Variants in CLASP2 observed in about 807,000 individuals in gnomAD.
The protein encoded by CLASP2 is cytoplasmic linker associated protein 2, also known as CLIP-associating protein 2.
Under a neutral mutation model 194.4 loss-of-function variants are expected in CLASP2, and 47 were observed. The ratio of observed to expected loss-of-function variants is 0.24; its 90% CI spans 0.19 to 0.31. The LOEUF (loss-of-function observed/expected upper bound fraction) is 0.31, where lower values mean the gene tolerates loss of function less well. Among genes scored for constraint, CLASP2 ranks in the 10% least tolerant of loss-of-function variants. The pLI, the probability that CLASP2 is intolerant of heterozygous loss-of-function variation, is 1.00. For missense variants in CLASP2, 1,445 were observed against 1,823.6 expected, an observed-to-expected ratio of 0.79 and a Z score of 3.78; for synonymous variants, 619 against 633.5, an observed-to-expected ratio of 0.98 and a Z score of 0.34.
chr3:33,522,328 T>C (rs2053354219), intron 34 of CLASP2, among the ~76,000 whole-genome samples: 1 of 18,622 alleles, frequency 5.4e-5, no homozygotes, highest in Non-Finnish European at 9.8e-5. Flanking sequence ...AGAAAGGATC[T>C]GAGAAGACTT....
At chr3:33,611,853 G>C in intron 13 of CLASP2, 148 bp downstream of exon 13, 1 of 601,300 alleles carries the variant, frequency 1.7e-6, no homozygotes, top group South Asian at 2.2e-5. Context: ...CCTTACATGA[G>C]ATATGATTAA....
chr3:33,501,779 A>AAG lies in CLASP2; in HGVS notation c.4318-13_4318-12dup. ...TGAATTATCATAACCCTACGGAGAG[A>AAG]AGTCCACTGTTAGTACTCCAGAGAA... On this transcript the variant is annotated splice_polypyrimidine_tract_variant and intron_variant, in intron 37 of 38. Coordinates refer to ENST00000682230, the MANE Select transcript of CLASP2 (RefSeq NM_001365631.1). The AAG allele has an allele frequency of 6.4e-7, 1 of 1,570,364 alleles. No individual in the cohort carries two copies. The highest frequency in any genetic ancestry group is 8.8e-7 in the Non-Finnish European group (1 of 1,140,578).
chr3:33,580,564 A>AAAC lies in CLASP2; in HGVS notation c.2347+1254_2347+1256dup, dbSNP rs540416059. On this transcript the variant is annotated intron_variant, in intron 23 of 38. Transcript: ENST00000682230. ...GGCAACAGAGTGAGACTCCACCTCAAAACAACAACAACAACAACAATGAAA... is the reference window on the plus strand; with the variant it reads ...GGCAACAGAGTGAGACTCCACCTCAAAACAACAACAACAACAACAACAATGAAA... Among the ~76,000 whole-genome samples the AAAC allele has an allele frequency of 5.5e-4, 84 of 151,986 alleles. 1 individual carries two copies. The highest frequency in any genetic ancestry group is 1.9e-3 in the African/African-American group (77 of 41,454).
intron 22 of CLASP2, among the ~76,000 whole-genome samples, chr3:33,583,885 T>C (rs892722635): frequency 6.6e-6 from 1 of 152,090 alleles, no homozygotes; most frequent in East Asian, 1.9e-4. Context: ...AGCAACATGG[T>C]TGATAAAGCA....
chr3:33,577,255 T>C (rs780531961), intron 23 of CLASP2: 6 of 1,598,026 alleles, frequency 3.8e-6, no homozygotes, highest in Non-Finnish European at 5.1e-6. Context: ...TCTGGAATGG[T>C]GTCTGGAGGC....
At chr3:33,629,496 T>C (rs533096805) in intron 9 of CLASP2, among the ~76,000 whole-genome samples, 96 of 152,114 alleles carry the variant, frequency 6.3e-4, no homozygotes, top group Non-Finnish European at 1.2e-3. Context: ...AGGGGCTAGG[T>C]CATATACTGA....
chr3:33,564,521 G>GT (rs1008336817), intron 27 of CLASP2, among the ~76,000 whole-genome samples: 18 of 152,280 alleles, frequency 1.2e-4, no homozygotes, highest in African/African-American at 4.3e-4. Flanking sequence ...TATATAAAAT[G>GT]TGAGTAGCTA....
chr3:33,559,116 C>T (rs1299818308), intron 29 of CLASP2, 191 bp downstream of exon 29: 1 of 682,436 alleles, frequency 1.5e-6, no homozygotes, highest in South Asian at 1.5e-5. Flanking sequence ...AAAACAAAAA[C>T]AATAAAACCT....
At chr3:33,598,369 G>A (rs1225757988) in intron 18 of CLASP2, among the ~76,000 whole-genome samples, 17 of 151,826 alleles carry the variant, frequency 1.1e-4, no homozygotes, top group Admixed American at 8.5e-4. Flanking sequence ...CCAAAATATC[G>A]TATCTGATAT....
In CLASP2 at chr3:33,618,926, G is replaced by A. The variant is rs192549204; in HGVS notation, c.1317+677C>T. 3.0e-4 allele frequency among the ~76,000 whole-genome samples: 46 copies of A among 152,232 alleles called. No homozygotes were observed. The East Asian group carries it at 3.7e-3, about 12-fold the overall frequency. ...GATGGGGATACGTTCTGAGAAATCCGTTAGGTGATTTCATCATAGTATGAA... is the reference window on the plus strand; with the variant it reads ...GATGGGGATACGTTCTGAGAAATCCATTAGGTGATTTCATCATAGTATGAA... On this transcript the variant is annotated intron_variant, in intron 12 of 38. Coordinates refer to ENST00000682230, the MANE Select transcript of CLASP2 (RefSeq NM_001365631.1).
At chr3:33,701,359 C>T (rs562935091) in intron 1 of CLASP2, among the ~76,000 whole-genome samples, 2 of 152,234 alleles carry the variant, frequency 1.3e-5, no homozygotes, top group Non-Finnish European at 2.9e-5. Flanking sequence ...CCTGTAATCC[C>T]AGCACTTCTG....
At chr3:33,675,322 A>G (rs1241233558) in intron 6 of CLASP2, among the ~76,000 whole-genome samples, 3 of 152,214 alleles carry the variant, frequency 2.0e-5, no homozygotes, top group Admixed American at 1.3e-4. Flanking sequence ...TATAAACAGA[A>G]CCAAAGACAA....
Position 33,659,092 on chromosome 3 carries a change from A to G in CLASP2, c.715+4353T>C, listed in dbSNP as rs900476323. ...TGGGCTCGGCCTGCAGCCTGCAGAC[A>G]CCCGGAGCACTGTGTGACCCAGGCC... is the stretch of plus-strand genomic sequence containing the variant. On this transcript the variant is annotated intron_variant, in intron 7 of 38. Transcript: ENST00000682230. The G allele has an allele frequency of 2.0e-6, 3 of 1,501,004 alleles. No homozygotes were observed. In the Admixed American group the frequency reaches 6.5e-5, roughly 33 times the overall value. 93.0% of individuals were successfully genotyped at this position (1,501,004 alleles called of 1,614,324 possible).
intron 34 of CLASP2, among the ~76,000 whole-genome samples, chr3:33,532,474 A>C (rs2056537841): frequency 6.6e-6 from 1 of 152,198 alleles, no homozygotes; most frequent in African/African-American, 2.4e-5. Context: ...AACAGTATGA[A>C]TATATTTAAT....
chr3:33,663,631 T>C, intron 6 of CLASP2, 116 bp from the exon 7 acceptor site: 1 of 661,950 alleles, frequency 1.5e-6, no homozygotes, highest in East Asian at 2.7e-5. Context: ...CAGCTAGTTT[T>C]CTATACAACT....
intron 34 of CLASP2, among the ~76,000 whole-genome samples, chr3:33,526,108 G>A (rs2054493748): frequency 6.6e-6 from 1 of 151,624 alleles, no homozygotes; most frequent in South Asian, 2.1e-4. Flanking sequence ...TTATAGCTGG[G>A]ATTACAGGTG....
intron 1 of CLASP2, among the ~76,000 whole-genome samples, chr3:33,717,118 T>C (rs901757857): frequency 1.3e-5 from 2 of 152,020 alleles, no homozygotes; most frequent in Admixed American, 1.3e-4. Context: ...CTTTGTAACT[T>C]TTTCCCCCCC....
At chr3:33,672,288 A>G (rs1295701247) in intron 6 of CLASP2, among the ~76,000 whole-genome samples, 6 of 152,222 alleles carry the variant, frequency 3.9e-5, no homozygotes, top group Non-Finnish European at 7.3e-5. Flanking sequence ...GCGGTTCACG[A>G]AAAACCACTG....
intron 21 of CLASP2, among the ~76,000 whole-genome samples, chr3:33,587,301 A>G (rs901448640): frequency 1.3e-5 from 2 of 151,722 alleles, no homozygotes; most frequent in Admixed American, 6.6e-5. Flanking sequence ...AATTTTTTGT[A>G]TTTTTAGTAG....
Sources: allele counts gnomAD v4.1 joint callset (sites outside exome capture counted in the v4.1 genomes callset), GRCh38; gene constraint gnomAD v4.1.1; transcripts MANE v1.5; gene names NCBI Gene and HGNC (gene_info 2026-07-23, HGNC 2026-07-21).